Variants in CLEC16A observed in about 807,000 individuals in gnomAD.
CLEC16A encodes the protein protein CLEC16A.
A neutral mutation model predicts 109.5 loss-of-function variants in CLEC16A; 51 were observed. The observed-to-expected ratio is 0.47, with a 90% CI of 0.37 to 0.59. CLEC16A has a LOEUF of 0.59. CLEC16A is among the 20% of genes least tolerant of loss of function. The pLI is 0.00. For synonymous variants in CLEC16A, 673 were observed against 564.2 expected (o/e 1.19, Z -2.73); for missense variants, 1,339 against 1,394.0 (o/e 0.96, Z 0.63).
intron 19 of CLEC16A, among the ~76,000 whole-genome samples, chr16:11,101,790 TTTTTCTTTTC>T (rs751458430): frequency 2.6e-5 from 4 of 151,996 alleles, no homozygotes; most frequent in African/African-American, 7.2e-5. Context: ...CAAGTTCATT[TTTTTCTTTTC>T]TTTTCTTTTC....
chr16:10,998,958 A>G (rs2044495606), intron 10 of CLEC16A, among the ~76,000 whole-genome samples: 1 of 152,258 alleles, frequency 6.6e-6, no homozygotes, highest in Non-Finnish European at 1.5e-5. Flanking sequence ...CAGCCTCTGC[A>G]TGCTAACTGT....
At chr16:11,139,245 G>A (rs1338373499) in intron 22 of CLEC16A, among the ~76,000 whole-genome samples, 2 of 149,838 alleles carry the variant, frequency 1.3e-5, no homozygotes, top group East Asian at 3.9e-4. Flanking sequence ...TGTCATCTCA[G>A]ACAGAACCTC....
At chr16:11,075,513 G>T (rs554304564) in intron 19 of CLEC16A, among the ~76,000 whole-genome samples, 3 of 151,768 alleles carry the variant, frequency 2.0e-5, no homozygotes, top group African/African-American at 7.2e-5. Context: ...ATAGCTCTCT[G>T]CAACCTTGAA....
At chr16:10,960,120 TGTAA>T (rs1176241650) in intron 2 of CLEC16A, among the ~76,000 whole-genome samples, 2 of 152,254 alleles carry the variant, frequency 1.3e-5, no homozygotes, top group African/African-American at 4.8e-5. Flanking sequence ...ATGTTCCCAT[TGTAA>T]GTGTCTTACA....
At chr16:11,047,436 G>A in intron 17 of CLEC16A, 94 bp downstream of exon 17, 3 of 914,644 alleles carry the variant, frequency 3.3e-6, no homozygotes, top group Admixed American at 3.4e-5. Flanking sequence ...TTTGACTTAG[G>A]GCTTTGTGAC....
intron 22 of CLEC16A, among the ~76,000 whole-genome samples, chr16:11,148,550 T>G (rs1056583556): frequency 6.6e-6 from 1 of 152,208 alleles, no homozygotes; most frequent in Admixed American, 6.5e-5. Flanking sequence ...GCCAGGGAAA[T>G]GGAGGCTCAA....
At position 10,945,879 on chromosome 16, in the gene CLEC16A, CT is replaced by C. The variant is rs528247463; in HGVS notation, c.80+1084del. ...TTTTTTATTTATACTTATTTTCTGT[CT>C]TCTGTTAAACTGGCACTTCACGAGG... is the stretch of plus-strand genomic sequence containing the variant. On this transcript the variant is annotated intron_variant, in intron 1 of 23. Transcript: ENST00000409790. Among the ~76,000 whole-genome samples, 584 of 152,248 alleles carry C rather than the reference CT, an allele frequency of 3.8e-3. 7 individuals carry two copies. The highest frequency in any genetic ancestry group is 6.3e-3 in the Non-Finnish European group (428 of 68,032).
chr16:11,082,889 A>G (rs1031695224), intron 19 of CLEC16A, among the ~76,000 whole-genome samples: 1 of 152,184 alleles, frequency 6.6e-6, no homozygotes, highest in African/African-American at 2.4e-5. Context: ...CTGTGCATCA[A>G]CAGCTTCTCC....
chr16:11,030,015 C>T (rs2046646575), intron 13 of CLEC16A, among the ~76,000 whole-genome samples: 1 of 152,160 alleles, frequency 6.6e-6, no homozygotes, highest in Non-Finnish European at 1.5e-5. Flanking sequence ...TTCTTTCAAT[C>T]CACTTAATTA....
chr16:10,998,909 G>T (rs1396656631), intron 10 of CLEC16A, among the ~76,000 whole-genome samples: 1 of 152,102 alleles, frequency 6.6e-6, no homozygotes, highest in East Asian at 1.9e-4. Flanking sequence ...AACAGAAATG[G>T]TCACAAATCT....
intron 2 of CLEC16A, among the ~76,000 whole-genome samples, chr16:10,960,240 T>C (rs1596752501): frequency 6.6e-6 from 1 of 152,322 alleles, no homozygotes; most frequent in East Asian, 1.9e-4. Flanking sequence ...TAATATCTCC[T>C]TTCTGTCCTA....
At chr16:11,148,167 A>G (rs2054146120) in intron 22 of CLEC16A, among the ~76,000 whole-genome samples, 1 of 152,180 alleles carries the variant, frequency 6.6e-6, no homozygotes, top group African/African-American at 2.4e-5. Flanking sequence ...TGCGGTGAGT[A>G]GTTCGTGTTG....
intron 22 of CLEC16A, among the ~76,000 whole-genome samples, chr16:11,154,937 A>G (rs1451306135): frequency 6.6e-6 from 1 of 151,892 alleles, no homozygotes; most frequent in Non-Finnish European, 1.5e-5. Context: ...AAAAATAAAT[A>G]AATAAATAAA....
intron 19 of CLEC16A, among the ~76,000 whole-genome samples, chr16:11,084,930 G>C (rs1444508538): frequency 1.3e-5 from 2 of 152,242 alleles, no homozygotes; most frequent in African/African-American, 4.8e-5. Flanking sequence ...TGGCCAGAAG[G>C]CTGCACGCAG....
At chr16:11,023,436 A>T (rs1347069398) in intron 12 of CLEC16A, among the ~76,000 whole-genome samples, 1 of 150,338 alleles carries the variant, frequency 6.7e-6, no homozygotes, top group African/African-American at 2.5e-5. Flanking sequence ...AGGCTTTCAA[A>T]ACCCAAATCT....
At chr16:11,143,106 C>T (rs1333857049) in intron 22 of CLEC16A, among the ~76,000 whole-genome samples, 1 of 152,218 alleles carries the variant, frequency 6.6e-6, no homozygotes, top group Non-Finnish European at 1.5e-5. Context: ...CCCACTGTGC[C>T]CGGCCTATCC....
intron 22 of CLEC16A, among the ~76,000 whole-genome samples, chr16:11,136,810 CTGGGG>C (rs1159240425): frequency 6.6e-6 from 1 of 152,214 alleles, no homozygotes; most frequent in Non-Finnish European, 1.5e-5. Flanking sequence ...ATCCTGTCCC[CTGGGG>C]TGCTGACTGC....
intron 19 of CLEC16A, among the ~76,000 whole-genome samples, chr16:11,087,040 G>A (rs2152956443): frequency 6.6e-6 from 1 of 152,324 alleles, no homozygotes; most frequent in East Asian, 1.9e-4. Flanking sequence ...ATCCCTGTCA[G>A]GGCAAGATGG....
intron 23 of CLEC16A, among the ~76,000 whole-genome samples, chr16:11,168,431 G>T (rs2068364133): frequency 6.6e-6 from 1 of 152,246 alleles, no homozygotes; most frequent in Non-Finnish European, 1.5e-5. Context: ...TCCCCAGCAG[G>T]CCTGCGGAGA....
Sources: allele counts gnomAD v4.1 joint callset (sites outside exome capture counted in the v4.1 genomes callset), GRCh38; gene constraint gnomAD v4.1.1; transcripts MANE v1.5; gene names NCBI Gene and HGNC (gene_info 2026-07-23, HGNC 2026-07-21).